The following NUFIP2 variants were observed in gnomAD, a reference collection of about 807,000 sequenced individuals.
The protein encoded by NUFIP2 is FMR1-interacting protein NUFIP2.
Under a neutral mutation model 56.9 loss-of-function variants are expected in NUFIP2, and 6 were observed. The ratio of observed to expected loss-of-function variants is 0.11; its 90% confidence interval spans 0.06 to 0.21. The LOEUF (loss-of-function observed/expected upper bound fraction) is 0.21. Ranked by LOEUF, NUFIP2 falls within the 10% of genes least tolerant of loss-of-function variation. The probability of loss-of-function intolerance (pLI) is 1.00; values close to 1 mark genes in which losing one functional copy is unlikely to be tolerated. For synonymous variants in NUFIP2, 321 were observed against 298.2 expected (o/e 1.08, Z -0.79); for missense variants, 828 against 826.8 (o/e 1.00, Z -0.02).
At chr17:29,271,799 G>A (rs1460194191) in intron 2 of NUFIP2, among the ~76,000 whole-genome samples, 1 of 151,572 alleles carries the variant, frequency 6.6e-6, no homozygotes, top group Non-Finnish European at 1.5e-5. Flanking sequence ...GGCCGGGCGC[G>A]GTGGCTCTCA....
At position 29,274,707 on chromosome 17, in the gene NUFIP2, G is replaced by C. The variant is rs957096848; in HGVS notation, c.2003-7177C>G. ...TTGTTATTTCATTATATAGGTGAAG[G>C]GAAGCCACTGAAGAAATCTAAGGTT... On this transcript the variant is annotated intron_variant, in intron 2 of 3. Coordinates refer to ENST00000225388, the MANE Select transcript of NUFIP2 (RefSeq NM_020772.3). Among the ~76,000 whole-genome samples the C allele has an allele frequency of 3.0e-4, 46 of 152,044 alleles. 1 individual carries two copies. The highest frequency in any genetic ancestry group is 1.1e-3 in the African/African-American group (46 of 41,400).
At chr17:29,289,694 A>C (rs1197039301) in intron 1 of NUFIP2, among the ~76,000 whole-genome samples, 1 of 152,236 alleles carries the variant, frequency 6.6e-6, no homozygotes, top group Non-Finnish European at 1.5e-5. Flanking sequence ...CATTTTTATA[A>C]GTCTGAGAAC....
At chr17:29,285,084 C>T (rs773527699) in intron 2 of NUFIP2, among the ~76,000 whole-genome samples, 4 of 151,698 alleles carry the variant, frequency 2.6e-5, no homozygotes, top group Non-Finnish European at 4.4e-5. Context: ...GGGCGGATCA[C>T]GAGGTCAGAA....
At chr17:29,266,464 C>A (rs2069037374) in intron 3 of NUFIP2, among the ~76,000 whole-genome samples, 1 of 151,866 alleles carries the variant, frequency 6.6e-6, no homozygotes, top group Non-Finnish European at 1.5e-5. Context: ...CATTTCAAGT[C>A]CTGAAATTCT....
At chr17:29,285,016 G>A (rs1423393773) in intron 2 of NUFIP2, among the ~76,000 whole-genome samples, 1 of 152,002 alleles carries the variant, frequency 6.6e-6, no homozygotes, top group Admixed American at 6.6e-5. Flanking sequence ...AAAAAGCAAA[G>A]GAGAGGCTGG....
chr17:29,267,393 T>TA, intron 3 of NUFIP2, 105 bp downstream of exon 3: 1 of 662,944 alleles, frequency 1.5e-6, no homozygotes, highest in South Asian at 1.8e-5. Context: ...TAACTCAAAA[T>TA]ACAAAGTCTA....
rs894451074 is a variant in NUFIP2 at position 29,264,361 on chromosome 17, C to T, written c.*178G>A. On this transcript the variant is annotated 3_prime_UTR_variant, in exon 4 of 4. Transcript: ENST00000225388. ...TAAGAAGTCTAATTACTTTCAGTTG[C>T]CTTTTTTAAATAACTATATATATAT... is the stretch of plus-strand genomic sequence containing the variant. 9.8e-6 allele frequency: 2 copies of T among 205,056 alleles called. No homozygotes were observed. The highest frequency in any genetic ancestry group is 1.9e-5 in the Non-Finnish European group (2 of 104,580). 12.7% of individuals were successfully genotyped at this position (205,056 alleles called of 1,614,324 possible). A position where few individuals can be genotyped will look rare whatever the true frequency, so the allele number is the denominator to read the frequency against.
intron 1 of NUFIP2, among the ~76,000 whole-genome samples, chr17:29,290,632 CCA>C (rs2069205512): frequency 6.7e-6 from 1 of 149,152 alleles, no homozygotes; most frequent in South Asian, 2.1e-4. Flanking sequence ...CCAGCCTGGG[CCA>C]CAGAGTAAGG....
In NUFIP2 at chr17:29,293,929, T is replaced by C; in HGVS notation, c.131A>G (p.Asn44Ser). The change falls in exon 1 of 4, where the codon AAC (asparagine) becomes AGC (serine). Residue 44 changes from asparagine (N) to serine (S), a missense_variant. Around this residue, in one of 3 missense-constraint regions of NUFIP2, gnomAD observed 415 missense variants for 408.7 expected, o/e 1.02. Coordinates refer to ENST00000225388, the MANE Select transcript of NUFIP2 (RefSeq NM_020772.3). ...CTGGTGATGATGGTGGTGGTGGTGG[T>C]TGTGGCTGTGGTTGTAGAAATAATA... Reference protein sequence around the residue: ...HHYYFYNHSHNHHHHHHHQQP... With the variant: ...HHYYFYNHSHSHHHHHHHQQP... 1 of 1,613,552 alleles carries C rather than the reference T, an allele frequency of 6.2e-7. No homozygotes were observed. The highest frequency in any genetic ancestry group is 8.5e-7 in the Non-Finnish European group (1 of 1,179,666).
rs1056705019 is a variant in NUFIP2 at position 29,256,844 on chromosome 17, A to T, written c.*7695T>A. On this transcript the variant is annotated 3_prime_UTR_variant, in exon 4 of 4. Coordinates refer to ENST00000225388, the MANE Select transcript of NUFIP2 (RefSeq NM_020772.3). ...CAGCTTGGGCAATTTTTTAAAAGAT[A>T]CACGTTATCTTTAAAACAACCAGTG... 6.6e-6 allele frequency: 1 copy of T among 152,206 alleles called. No individual in the cohort carries two copies. Among genetic ancestry groups the T allele is most frequent in the Non-Finnish European group, 1.5e-5 (1 of 68,028 alleles). 9.4% of individuals were successfully genotyped at this position (152,206 alleles called of 1,614,324 possible). A position where few individuals can be genotyped will look rare whatever the true frequency, so the allele number is the denominator to read the frequency against.
In NUFIP2 at chr17:29,264,674, C is replaced by A. The variant is rs2069024029; in HGVS notation, c.2036-83G>T. 5.6e-6 allele frequency: 5 copies of A among 886,534 alleles called. No individual in the cohort carries two copies. The Admixed American group carries it at 8.0e-5, about 14-fold the overall frequency. The allele number at this position is 886,534 out of a possible 1,614,324, so 54.9% of individuals were successfully genotyped here. On this transcript the variant is annotated intron_variant, in intron 3 of 3. Coordinates refer to ENST00000225388, the MANE Select transcript of NUFIP2 (RefSeq NM_020772.3). ...TCCAATAACAATCCCAAATAACCAT[C>A]ATTTAAACTGACCAATTTTTTTATG...
At chr17:29,273,397 C>A (rs1354831089) in intron 2 of NUFIP2, among the ~76,000 whole-genome samples, 1 of 152,162 alleles carries the variant, frequency 6.6e-6, no homozygotes, top group Non-Finnish European at 1.5e-5. Context: ...GTCTCAAACT[C>A]CTGACCTCAG....
At chr17:29,289,062 C>T (rs1277589811) in intron 1 of NUFIP2, among the ~76,000 whole-genome samples, 2 of 152,120 alleles carry the variant, frequency 1.3e-5, no homozygotes, top group African/African-American at 4.8e-5. Flanking sequence ...ATAGCTTGAA[C>T]CCAGGAGGTC....
chr17:29,293,690 G>A (rs1459265183), intron 1 of NUFIP2, 93 bp downstream of exon 1: 23 of 1,342,366 alleles, frequency 1.7e-5, no homozygotes, highest in African/African-American at 1.6e-4. Context: ...CACACACCCC[G>A]ACCCCGTCCG....
intron 2 of NUFIP2, among the ~76,000 whole-genome samples, chr17:29,271,942 G>A (rs1383316909): frequency 3.3e-5 from 5 of 151,494 alleles, no homozygotes; most frequent in South Asian, 4.2e-4. Context: ...GTGTGGGGGC[G>A]GGCACCGGTA....
At position 29,261,076 on chromosome 17, in the gene NUFIP2, TG is replaced by T. The variant is rs1330596254; in HGVS notation, c.*3462del. 3 of 152,150 alleles carry T rather than the reference TG, an allele frequency of 2.0e-5. No individual in the cohort carries two copies. The highest frequency in any genetic ancestry group is 7.2e-5 in the African/African-American group (3 of 41,424). The allele number at this position is 152,150 out of a possible 1,614,324, so 9.4% of individuals were successfully genotyped here. A position where few individuals can be genotyped will look rare whatever the true frequency, so the allele number is the denominator to read the frequency against. On this transcript the variant is annotated 3_prime_UTR_variant, in exon 4 of 4. Coordinates refer to ENST00000225388, the MANE Select transcript of NUFIP2 (RefSeq NM_020772.3). The stretch of plus-strand genomic sequence containing the variant: ...ATAAAGAGAAAGATAATACACCCTG[TG>T]TATTTTGTGGGAAAAGGGGATTATT...
rs775383023 is a variant in NUFIP2 at position 29,287,287 on chromosome 17, T to G, written c.707A>C (p.Asn236Thr). 3 of 1,614,168 alleles carry G rather than the reference T, an allele frequency of 1.9e-6. No homozygotes were observed. In the South Asian group the frequency reaches 3.3e-5, roughly 18 times the overall value. The change falls in exon 2 of 4, where the codon AAC (asparagine) becomes ACC (threonine). Residue 236 changes from asparagine to threonine, a missense_variant. Around this residue, in one of 3 missense-constraint regions of NUFIP2, gnomAD observed 415 missense variants for 408.7 expected, o/e 1.02. Transcript: ENST00000225388. ...TATTTTGTCCTGCACTATATTAAGG[T>G]TTTCACAACCCTTGGCACTATTGCG... ...ARRNSAKGCE[N>T]LNIVQDKIMQ...
intron 3 of NUFIP2, among the ~76,000 whole-genome samples, chr17:29,267,236 TAG>T (rs1182411450): frequency 6.7e-6 from 1 of 148,988 alleles, no homozygotes; most frequent in Non-Finnish European, 1.5e-5. Context: ...ATTTAAAAAA[TAG>T]AGACGGGGTC....
chr17:29,273,469 G>T (rs1398163456), intron 2 of NUFIP2, among the ~76,000 whole-genome samples: 5 of 151,890 alleles, frequency 3.3e-5, no homozygotes, highest in African/African-American at 1.2e-4. Flanking sequence ...ATCACGCCCA[G>T]CCTTGATCTT....
Sources: gnomAD v4.1 joint callset for allele counts (sites outside exome capture counted in the v4.1 genomes callset) on GRCh38, gnomAD v4.1.1 for gene constraint, gnomAD v4.1.1 regional missense constraint, MANE v1.5 for transcripts, NCBI Gene and HGNC (gene_info 2026-07-23, HGNC 2026-07-21) for gene names.